The following CAMK4 variants were observed in gnomAD, a reference collection of about 807,000 sequenced individuals.
The protein encoded by CAMK4 is calcium/calmodulin-dependent protein kinase type IV.
In CAMK4, 22 loss-of-function variants were observed where a neutral mutation model predicts 44.9. The ratio of observed to expected loss-of-function variants is 0.49; its 90% CI spans 0.35 to 0.70. The LOEUF (loss-of-function observed/expected upper bound fraction) is 0.70. Ranked by LOEUF, CAMK4 falls within the 30% of genes least tolerant of loss-of-function variation. The pLI is 0.01. For missense variants in CAMK4, 498 were observed against 586.8 expected (o/e 0.85, Z 1.56); for synonymous variants, 218 against 215.4 (o/e 1.01, Z -0.11).
chr5:111,291,763 G>A lies in CAMK4; in HGVS notation c.162-52261G>A, dbSNP rs145454967. 3.5e-4 allele frequency among the ~76,000 whole-genome samples: 54 copies of A among 152,204 alleles called. No homozygotes were observed. The East Asian group carries it at 8.7e-3, about 25-fold the overall frequency. On this transcript the variant is annotated intron_variant, in intron 1 of 10. Transcript: ENST00000282356. ...TGGCCTCAAGCAATCCTCCTGCCTT[G>A]GTCTCCTGAGGTTCTGTGACTAGAG... is the stretch of plus-strand genomic sequence containing the variant.
rs373248608 is a variant in CAMK4, at chr5:111,228,509, G to GGTGTGTGTGTGTGT, written c.161+3890_161+3903dup. ...AACCAAATAGATTTCCATAGTAAGGGGTGTGTGTGTGTGTGTGTGTGTGTG... is the reference window on the plus strand; with the variant it reads ...AACCAAATAGATTTCCATAGTAAGGGGTGTGTGTGTGTGTGTGTGTGTGTGTGTGTGTGTGTGTG... On this transcript the variant is annotated intron_variant, in intron 1 of 10. Transcript: ENST00000282356. Among the ~76,000 whole-genome samples, 450 of 145,336 alleles carry GGTGTGTGTGTGTGT rather than the reference G, an allele frequency of 3.1e-3. 4 individuals carry two copies. Among genetic ancestry groups the GGTGTGTGTGTGTGT allele is most frequent in the Admixed American group, 2.7e-3 (40 of 14,586 alleles).
chr5:111,453,390 C>G (rs534095525), intron 7 of CAMK4, among the ~76,000 whole-genome samples: 16 of 152,286 alleles, frequency 1.1e-4, no homozygotes, highest in Non-Finnish European at 2.1e-4. Context: ...ACAGGTAAAG[C>G]TAAAACCCTC....
chr5:111,343,946 A>G (rs1314869130), intron 1 of CAMK4, 78 bp from the exon 2 acceptor site: 1 of 817,158 alleles, frequency 1.2e-6, no homozygotes, highest in Non-Finnish European at 2.1e-6. Context: ...TTATTGCAAG[A>G]TACACTTATT....
intron 5 of CAMK4, among the ~76,000 whole-genome samples, chr5:111,433,741 G>C (rs562003227): frequency 6.6e-6 from 1 of 152,286 alleles, no homozygotes; most frequent in African/African-American, 2.4e-5. Flanking sequence ...AAGTAGAAAT[G>C]TGTACAGCAT....
At chr5:111,391,234 G>A (rs1751785298) in intron 4 of CAMK4, among the ~76,000 whole-genome samples, 1 of 152,158 alleles carries the variant, frequency 6.6e-6, no homozygotes, top group Non-Finnish European at 1.5e-5. Flanking sequence ...TTCCAGGGGA[G>A]GGGAAGAGAT....
At position 111,487,600 on chromosome 5, in the gene CAMK4, T is replaced by G. The variant is rs1444166413; in HGVS notation, c.*3134T>G. ...TTTTAATCCAATTCATCCAAATTAT[T>G]CTATCGATATATAGTCAATATTAAA... On this transcript the variant is annotated 3_prime_UTR_variant, in exon 11 of 11. Transcript: ENST00000282356. 6.6e-6 allele frequency: 1 copy of G among 152,162 alleles called. No homozygotes were observed. The highest frequency in any genetic ancestry group is 1.5e-5 in the Non-Finnish European group (1 of 68,024). 9.4% of individuals were successfully genotyped at this position (152,162 alleles called of 1,614,324 possible).
chr5:111,464,884 TA>T (rs1754768164), intron 7 of CAMK4, among the ~76,000 whole-genome samples: 1 of 152,202 alleles, frequency 6.6e-6, no homozygotes, highest in Non-Finnish European at 1.5e-5. Flanking sequence ...ATGGGTGATA[TA>T]AAAAACTTAA....
At chr5:111,258,944 TA>T (rs754885202) in intron 1 of CAMK4, among the ~76,000 whole-genome samples, 12 of 152,142 alleles carry the variant, frequency 7.9e-5, no homozygotes, top group African/African-American at 2.7e-4. Flanking sequence ...CTTAAGGAAG[TA>T]AATCTCAACA....
At chr5:111,342,081 T>C (rs539265134) in intron 1 of CAMK4, among the ~76,000 whole-genome samples, 1 of 151,520 alleles carries the variant, frequency 6.6e-6, no homozygotes, top group Non-Finnish European at 1.5e-5. Flanking sequence ...GAAGAGAATA[T>C]GTATTCTGAT....
chr5:111,396,628 A>ATTTTTTTTTTTTTTT, intron 5 of CAMK4, among the ~76,000 whole-genome samples: 1 of 41,298 alleles, frequency 2.4e-5, no homozygotes, highest in Non-Finnish European at 4.7e-5. Context: ...ATTAACTCAT[A>ATTTTTTTTTTTTTTT]TTCTTTTTTT....
At chr5:111,281,300 A>G (rs1751006162) in intron 1 of CAMK4, among the ~76,000 whole-genome samples, 1 of 152,198 alleles carries the variant, frequency 6.6e-6, no homozygotes, top group Non-Finnish European at 1.5e-5. Context: ...TAGTTCTGCC[A>G]GTGATTTTGC....
At chr5:111,356,955 G>C (rs1006960360) in intron 2 of CAMK4, among the ~76,000 whole-genome samples, 15 of 152,024 alleles carry the variant, frequency 9.9e-5, no homozygotes, top group African/African-American at 3.4e-4. Context: ...CAGAGAGAGA[G>C]AGACAGACAG....
chr5:111,454,124 A>G (rs1379292543), intron 7 of CAMK4, among the ~76,000 whole-genome samples: 1 of 152,228 alleles, frequency 6.6e-6, no homozygotes, highest in Non-Finnish European at 1.5e-5. Flanking sequence ...TATTTACAAT[A>G]CAGAGACTTT....
At chr5:111,398,071 C>T (rs1752086846) in intron 5 of CAMK4, among the ~76,000 whole-genome samples, 1 of 152,108 alleles carries the variant, frequency 6.6e-6, no homozygotes, top group South Asian at 2.1e-4. Flanking sequence ...CAGAACTCTT[C>T]CCCCACTGCT....
At chr5:111,433,571 C>A (rs1302597307) in intron 5 of CAMK4, among the ~76,000 whole-genome samples, 1 of 152,158 alleles carries the variant, frequency 6.6e-6, no homozygotes, top group Non-Finnish European at 1.5e-5. Context: ...CAATCCTACC[C>A]AGAACGAAAG....
chr5:111,224,660 C>T lies in CAMK4; in HGVS notation c.161+16C>T, dbSNP rs780471714. On this transcript the variant is annotated intron_variant, in intron 1 of 10. Transcript: ENST00000282356. This position sits in a 1 kb window ranked among gnomAD's most constrained non-coding sequence, Gnocchi z 5.7. ...AGCTGGGACGGTAAGGCGCGGGCTC[C>T]GGCTGGGGAAGCCCGCGGCGTGCAC... is the stretch of plus-strand genomic sequence containing the variant. 1.3e-6 allele frequency: 2 copies of T among 1,594,768 alleles called. No homozygotes were observed. The highest frequency in any genetic ancestry group is 1.7e-6 in the Non-Finnish European group (2 of 1,171,376).
intron 1 of CAMK4, among the ~76,000 whole-genome samples, chr5:111,327,115 G>A (rs1386103908): frequency 1.3e-4 from 19 of 151,240 alleles, no homozygotes; most frequent in East Asian, 5.9e-4. Context: ...CCATTAACTC[G>A]TCATTTAGCA....
chr5:111,483,742 A>G lies in CAMK4; in HGVS notation c.982-284A>G, dbSNP rs568153467. 5.3e-5 allele frequency among the ~76,000 whole-genome samples: 8 copies of G among 152,350 alleles called. No homozygotes were observed. The South Asian group carries it at 1.7e-3, about 32-fold the overall frequency. ...GTAAAACAAATACACCGGGAAACAC[A>G]GATTAAAATTTTCAAAAATTGGTTA... On this transcript the variant is annotated intron_variant, in intron 10 of 10. Transcript: ENST00000282356.
chr5:111,369,430 A>G (rs1359972424), intron 2 of CAMK4, among the ~76,000 whole-genome samples: 1 of 152,152 alleles, frequency 6.6e-6, no homozygotes, highest in Non-Finnish European at 1.5e-5. Flanking sequence ...TAAAATTGAT[A>G]TATTTTTAAA....
Sources: allele counts gnomAD v4.1 joint callset (sites outside exome capture counted in the v4.1 genomes callset), GRCh38; gene constraint gnomAD v4.1.1; non-coding constraint Gnocchi (gnomAD v3.1); transcripts MANE v1.5; gene names NCBI Gene and HGNC (gene_info 2026-07-23, HGNC 2026-07-21).